Variants in FAM76A observed in about 807,000 individuals in gnomAD.
FAM76A encodes the protein protein FAM76A.
In FAM76A, 32 loss-of-function variants were observed where a neutral mutation model predicts 46.2. The ratio of observed to expected loss-of-function variants is 0.69; its 90% CI spans 0.52 to 0.93. The LOEUF (loss-of-function observed/expected upper bound fraction) is 0.93, where lower values mean the gene tolerates loss of function less well. Among genes scored for constraint, FAM76A ranks in the 40% least tolerant of loss-of-function variants. The probability of loss-of-function intolerance (pLI) is 0.00; values close to 1 mark genes in which losing one functional copy is unlikely to be tolerated. For missense variants in FAM76A, 274 were observed against 361.5 expected, an observed-to-expected ratio of 0.76 and a Z score of 1.96; for synonymous variants, 137 against 127.0, an observed-to-expected ratio of 1.08 and a Z score of -0.53.
chr1:27,740,404 A>G, intron 4 of FAM76A: 1 of 1,393,728 alleles, frequency 7.2e-7, no homozygotes. Context: ...AAATTCATGG[A>G]TGATATGGTG....
At chr1:27,752,683 G>A (rs2088350446) in intron 6 of FAM76A, among the ~76,000 whole-genome samples, 2 of 152,210 alleles carry the variant, frequency 1.3e-5, no homozygotes, top group African/African-American at 2.4e-5. Context: ...GTTATAGAGA[G>A]GCAGGTTTTG....
rs182892332 is a variant in FAM76A, at chr1:27,729,807, T to C, written c.146+2271T>C. Among the ~76,000 whole-genome samples the C allele has an allele frequency of 5.3e-5, 8 of 152,318 alleles. No homozygotes were observed. In the East Asian group the frequency reaches 1.5e-3, roughly 29 times the overall value. On this transcript the variant is annotated intron_variant, in intron 2 of 8. Transcript: ENST00000373954. ...TGGCTTACACTAACATGCTTGAATC[T>C]TAAATGCATCAAGTTTTACAAACAT...
In FAM76A at chr1:27,761,334, T is replaced by G. The variant is rs1228575858; in HGVS notation, c.*753T>G. 1 of 152,576 alleles carries G rather than the reference T, an allele frequency of 6.6e-6. No individual in the cohort carries two copies. Among genetic ancestry groups the G allele is most frequent in the Non-Finnish European group, 1.5e-5 (1 of 68,024 alleles). 9.5% of individuals were successfully genotyped at this position (152,576 alleles called of 1,614,324 possible). A position where few individuals can be genotyped will look rare whatever the true frequency, so the allele number is the denominator to read the frequency against. ...TTTTCTTTCTTGTTACCTTGGAGTC[T>G]TAAAAACTGATTGCTAAGGTGAAAC... On this transcript the variant is annotated 3_prime_UTR_variant, in exon 9 of 9. Coordinates refer to ENST00000373954, the MANE Select transcript of FAM76A (RefSeq NM_152660.3).
At chr1:27,737,631 C>A (rs1207819566) in intron 4 of FAM76A, among the ~76,000 whole-genome samples, 2 of 152,020 alleles carry the variant, frequency 1.3e-5, no homozygotes, top group African/African-American at 2.4e-5. Context: ...GCAGGCAGAT[C>A]ACTTGAGGTC....
chr1:27,741,893 AAAAG>A (rs753200720), intron 4 of FAM76A, among the ~76,000 whole-genome samples: 3 of 145,670 alleles, frequency 2.1e-5, no homozygotes, highest in African/African-American at 8.4e-5. Context: ...AAAAAAAAAA[AAAAG>A]AGAGAGGATG....
intron 7 of FAM76A, among the ~76,000 whole-genome samples, chr1:27,757,835 G>T (rs907368750): frequency 1.3e-5 from 2 of 152,088 alleles, no homozygotes; most frequent in Non-Finnish European, 2.9e-5. Context: ...AAATTAGCTG[G>T]GCGTGGTGGT....
At chr1:27,760,013 T>A in intron 8 of FAM76A, 2 of 458,204 alleles carry the variant, frequency 4.4e-6, no homozygotes, top group South Asian at 3.1e-5. Context: ...CTTCAAGCAA[T>A]CCTCCCACCT....
intron 4 of FAM76A, among the ~76,000 whole-genome samples, chr1:27,741,302 G>A (rs1373075184): frequency 2.0e-5 from 3 of 149,680 alleles, no homozygotes; most frequent in Middle Eastern, 3.4e-3. Flanking sequence ...AGGCTCAGGC[G>A]ATCCTTCCAA....
chr1:27,731,407 T>C (rs965048545), intron 2 of FAM76A, among the ~76,000 whole-genome samples: 1 of 151,826 alleles, frequency 6.6e-6, no homozygotes, highest in African/African-American at 2.4e-5. Context: ...GGTTTCACCA[T>C]GTTGGCCAGG....
intron 4 of FAM76A, among the ~76,000 whole-genome samples, chr1:27,742,324 G>C (rs914832953): frequency 6.6e-6 from 1 of 152,166 alleles, no homozygotes; most frequent in African/African-American, 2.4e-5. Context: ...TCTGAATGCT[G>C]CACAGAGACA....
intron 5 of FAM76A, 63 bp from the exon 6 acceptor site, chr1:27,749,005 C>G (rs1280306310): frequency 4.5e-6 from 5 of 1,100,782 alleles, no homozygotes; most frequent in Non-Finnish European, 6.6e-6. Flanking sequence ...GACAGACTTT[C>G]ATTGTGATGT....
chr1:27,740,212 A>G (rs1247222506), intron 4 of FAM76A: 2 of 637,078 alleles, frequency 3.1e-6, no homozygotes, highest in Non-Finnish European at 5.9e-6. Flanking sequence ...GAAGCCAGTC[A>G]GTACACCTTT....
rs1345113384 is a variant in FAM76A at position 27,726,014 on chromosome 1, T to G, written c.-67T>G. ...GCAGCCTGCAGCCGCCGCCGGGTTG[T>G]GCCTCAGACTGTCAGATAAATCGGC... On this transcript the variant is annotated 5_prime_UTR_variant, in exon 1 of 9. Transcript: ENST00000373954. The G allele has an allele frequency of 1.7e-6, 2 of 1,193,392 alleles. No homozygotes were observed. The highest frequency in any genetic ancestry group is 3.2e-5 in the African/African-American group (2 of 63,100). The allele number at this position is 1,193,392 out of a possible 1,614,324, so 73.9% of individuals were successfully genotyped here. A position where few individuals can be genotyped will look rare whatever the true frequency, so the allele number is the denominator to read the frequency against.
intron 7 of FAM76A, 55 bp from the exon 8 acceptor site, chr1:27,759,471 A>ATT: frequency 2.3e-6 from 3 of 1,283,074 alleles, no homozygotes; most frequent in South Asian, 1.4e-5. Context: ...TCTGAAAGCA[A>ATT]TTTTTTTTTA....
intron 6 of FAM76A, among the ~76,000 whole-genome samples, chr1:27,750,751 A>C (rs1364776848): frequency 6.6e-6 from 1 of 152,136 alleles, no homozygotes; most frequent in East Asian, 1.9e-4. Context: ...CAAGCTAAAA[A>C]CTCAAGTTTT....
intron 7 of FAM76A, among the ~76,000 whole-genome samples, chr1:27,757,242 C>T (rs1449337394): frequency 3.2e-5 from 4 of 123,794 alleles, no homozygotes. Flanking sequence ...GTCACCCAGG[C>T]TGGAGTGCAG....
chr1:27,726,110 C>A lies in FAM76A; in HGVS notation c.30C>A (p.Cys10Ter). The A allele has an allele frequency of 7.7e-7, 1 of 1,296,534 alleles. No homozygotes were observed. The highest frequency in any genetic ancestry group is 9.8e-7 in the Non-Finnish European group (1 of 1,017,066). The allele number at this position is 1,296,534 out of a possible 1,614,324, so 80.3% of individuals were successfully genotyped here. A position where few individuals can be genotyped will look rare whatever the true frequency, so the allele number is the denominator to read the frequency against. MAALYACTK[C>*]HQRFPFEALS... The stretch of plus-strand genomic sequence containing the variant: ...CGGCGCTCTACGCCTGCACCAAGTG[C>A]CACCAGCGCTTCCCCTTCGAGGCGC... Residue 10 changes from cysteine to a stop codon, truncating the protein, a stop_gained, in exon 1 of 9, where the codon TGC becomes TGA. Transcript: ENST00000373954. LOFTEE classifies it high-confidence loss of function.
chr1:27,726,785 T>A (rs1456531822), intron 1 of FAM76A, among the ~76,000 whole-genome samples: 1 of 152,192 alleles, frequency 6.6e-6, no homozygotes, highest in African/African-American at 2.4e-5. Flanking sequence ...CCTGACTAGC[T>A]GCTGATCAGT....
At chr1:27,757,025 C>T (rs575035990) in intron 7 of FAM76A, among the ~76,000 whole-genome samples, 2 of 151,894 alleles carry the variant, frequency 1.3e-5, no homozygotes, top group African/African-American at 4.8e-5. Flanking sequence ...TACCACTGCA[C>T]TCCAGCCTGT....
Sources: allele counts gnomAD v4.1 joint callset (sites outside exome capture counted in the v4.1 genomes callset), GRCh38; gene constraint gnomAD v4.1.1; transcripts MANE v1.5; gene names NCBI Gene and HGNC (gene_info 2026-07-23, HGNC 2026-07-21).